The following PALD1 variants were observed in gnomAD, a reference collection of about 807,000 sequenced individuals.
PALD1 encodes the protein phosphatase domain containing paladin 1, also known as paladin.
Under a neutral mutation model 96.0 loss-of-function variants are expected in PALD1, and 57 were observed. That is an observed-to-expected ratio of 0.59 (90% CI 0.48 to 0.74). PALD1 has a LOEUF of 0.74. PALD1 is among the 30% of genes least tolerant of loss of function. The pLI, the probability that PALD1 is intolerant of heterozygous loss-of-function variation, is 0.00. For missense variants in PALD1, 1,063 were observed against 1,143.7 expected, an observed-to-expected ratio of 0.93 and a Z score of 1.02; for synonymous variants, 464 against 473.6, an observed-to-expected ratio of 0.98 and a Z score of 0.26.
At chr10:70,563,488 C>A (rs1398382835) in intron 18 of PALD1, among the ~76,000 whole-genome samples, 1 of 152,222 alleles carries the variant, frequency 6.6e-6, no homozygotes, top group Non-Finnish European at 1.5e-5. Context: ...GATGCTCAGG[C>A]TTGCTTGCTT....
chr10:70,475,710 G>T (rs1845813980), upstream of PALD1, among the ~76,000 whole-genome samples: 1 of 152,162 alleles, frequency 6.6e-6, no homozygotes, highest in East Asian at 1.9e-4. Flanking sequence ...TCCCTGGAGG[G>T]AATCTGGGGT....
At chr10:70,509,029 C>T (rs1330076326) in intron 1 of PALD1, among the ~76,000 whole-genome samples, 1 of 152,176 alleles carries the variant, frequency 6.6e-6, no homozygotes, top group Non-Finnish European at 1.5e-5. Flanking sequence ...ATGTTTCCTC[C>T]AGCTGGCCAC....
intron 17 of PALD1, among the ~76,000 whole-genome samples, chr10:70,545,781 G>A (rs1033985865): frequency 5.9e-5 from 9 of 152,040 alleles, no homozygotes; most frequent in Non-Finnish European, 1.2e-4. Flanking sequence ...AACTCTGAGC[G>A]TCTGCGCAGT....
chr10:70,465,888 T>G, the PALD1 span, among the ~76,000 whole-genome samples: 1 of 152,126 alleles, frequency 6.6e-6, no homozygotes, highest in South Asian at 2.1e-4. Context: ...GAGGCCCCAG[T>G]TTCGTGGTTA....
At chr10:70,527,060 T>C (rs1203705911) in intron 2 of PALD1, among the ~76,000 whole-genome samples, 1 of 152,140 alleles carries the variant, frequency 6.6e-6, no homozygotes, top group East Asian at 1.9e-4. Context: ...AGGGATGTCA[T>C]ATAAAAGAGA....
In PALD1 at chr10:70,538,428, G is replaced by A. The variant is rs953034911; in HGVS notation, c.1452+20G>A. On this transcript the variant is annotated intron_variant, in intron 12 of 19. Coordinates refer to ENST00000263563, the MANE Select transcript of PALD1 (RefSeq NM_014431.3). ...TCCCTAGTGAGTATGACTGGCAGTC[G>A]GAGAAGTGGGCATGGCTGTGTACTG... The A allele has an allele frequency of 4.4e-6, 7 of 1,607,048 alleles. No individual in the cohort carries two copies. The East Asian group carries it at 1.1e-4, about 26-fold the overall frequency.
chr10:70,481,026 A>G (rs1482815555), intron 1 of PALD1, among the ~76,000 whole-genome samples: 1 of 152,232 alleles, frequency 6.6e-6, no homozygotes, highest in Admixed American at 6.5e-5. Flanking sequence ...GTACATAGAA[A>G]TACACCATTG....
In PALD1 at chr10:70,532,900, G is replaced by A. The variant is rs1036306065; in HGVS notation, c.795-95G>A. ...GTCCCCCACACCCATGTCTCCCACAGTGGGGCCCATTTCCAAACAGTGCCC... is the reference window on the plus strand; with the variant it reads ...GTCCCCCACACCCATGTCTCCCACAATGGGGCCCATTTCCAAACAGTGCCC... On this transcript the variant is annotated intron_variant, in intron 6 of 19. Coordinates refer to ENST00000263563, the MANE Select transcript of PALD1 (RefSeq NM_014431.3). 72 of 1,508,124 alleles carry A rather than the reference G, an allele frequency of 4.8e-5. 1 individual carries two copies. The African/African-American group carries it at 8.7e-4, about 18-fold the overall frequency. 93.4% of individuals were successfully genotyped at this position (1,508,124 alleles called of 1,614,324 possible).
intron 1 of PALD1, among the ~76,000 whole-genome samples, chr10:70,514,233 G>A (rs996096271): frequency 1.3e-5 from 2 of 152,178 alleles, no homozygotes; most frequent in Non-Finnish European, 2.9e-5. Context: ...AGGACTTGGC[G>A]CTTGCTTCAA....
intron 17 of PALD1, among the ~76,000 whole-genome samples, chr10:70,546,797 A>G (rs1847373993): frequency 2.0e-5 from 3 of 152,156 alleles, no homozygotes; most frequent in Admixed American, 2.0e-4. Context: ...TAAAAGTACA[A>G]GATATTAGCC....
At chr10:70,499,416 G>A (rs1405331711) in intron 1 of PALD1, among the ~76,000 whole-genome samples, 2 of 152,174 alleles carry the variant, frequency 1.3e-5, no homozygotes, top group African/African-American at 4.8e-5. Context: ...GCAGCCTCTG[G>A]GCCAGGCGGG....
At chr10:70,523,042 C>A (rs1846770201) in intron 1 of PALD1, among the ~76,000 whole-genome samples, 7 of 152,212 alleles carry the variant, frequency 4.6e-5, no homozygotes, top group Admixed American at 4.6e-4. Context: ...GTTGCACCCC[C>A]CTCTAGATAT....
intron 10 of PALD1, 150 bp downstream of exon 10, chr10:70,534,993 TA>T (rs1847079629): frequency 1.6e-6 from 1 of 641,892 alleles, no homozygotes; most frequent in African/African-American, 1.8e-5. Context: ...GAAGGGGAGA[TA>T]GGGGCTCTGG....
rs564061277 is a variant in PALD1 at position 70,537,266 on chromosome 10, C to G, written c.1228-545C>G. On this transcript the variant is annotated intron_variant, in intron 10 of 19. Coordinates refer to ENST00000263563, the MANE Select transcript of PALD1 (RefSeq NM_014431.3). ...GGGACTACAGGCATGTGCCACCATG[C>G]CTAATTTTTGTATTTTTTTATAGAG... Among the ~76,000 whole-genome samples, 13 of 152,208 alleles carry G rather than the reference C, an allele frequency of 8.5e-5. 1 individual carries two copies. The highest frequency in any genetic ancestry group is 7.2e-4 in the Admixed American group (11 of 15,278).
Position 70,534,857 on chromosome 10 carries a change from G to C in PALD1, c.1227+14G>C. The C allele has an allele frequency of 6.6e-7, 1 of 1,525,404 alleles. No individual in the cohort carries two copies. The highest frequency in any genetic ancestry group is 9.1e-7 in the Non-Finnish European group (1 of 1,102,656). The allele number at this position is 1,525,404 out of a possible 1,614,324, so 94.5% of individuals were successfully genotyped here. A position where few individuals can be genotyped will look rare whatever the true frequency, so the allele number is the denominator to read the frequency against. On this transcript the variant is annotated intron_variant, in intron 10 of 19. Coordinates refer to ENST00000263563, the MANE Select transcript of PALD1 (RefSeq NM_014431.3). Reference sequence around the variant, plus strand: ...AGCCCAGCCCAGGTGAGGCATGGAAGGACGTGTGAGCACTCTGCTTCTCTG... The same window carrying C: ...AGCCCAGCCCAGGTGAGGCATGGAACGACGTGTGAGCACTCTGCTTCTCTG...
intron 1 of PALD1, among the ~76,000 whole-genome samples, chr10:70,505,739 G>A (rs1053533472): frequency 5.3e-5 from 8 of 152,090 alleles, no homozygotes; most frequent in Non-Finnish European, 1.2e-4. Context: ...TGTTGTTCCC[G>A]GCCAGGTGCA....
chr10:70,478,693 C>G (rs1341792676), upstream of PALD1: 1 of 152,008 alleles, frequency 6.6e-6, no homozygotes, highest in African/African-American at 2.4e-5. Flanking sequence ...CCCCGCCCCT[C>G]GCGGTGGGGC....
At position 70,566,716 on chromosome 10, in the gene PALD1, C is replaced by T. The variant is rs745680899; in HGVS notation, c.2554C>T (p.Pro852Ser). 2 of 1,599,920 alleles carry T rather than the reference C, an allele frequency of 1.3e-6. No homozygotes were observed. The highest frequency in any genetic ancestry group is 4.5e-5 in the East Asian group (2 of 44,524). The change falls in exon 20 of 20, where the codon CCC becomes TCC. Residue 852 changes from proline (P) to serine (S), a missense_variant. Coordinates refer to ENST00000263563, the MANE Select transcript of PALD1 (RefSeq NM_014431.3). Reference protein sequence around the residue: ...EQSCSLEPSAPEDLL With the variant: ...EQSCSLEPSASEDLL ...GAGCTGCAGCCTCGAGCCCTCTGCC[C>T]CCGAGGACTTGCTGTAGGGGGCCTT...
chr10:70,484,989 C>T (rs1351412845), intron 1 of PALD1, among the ~76,000 whole-genome samples: 2 of 152,154 alleles, frequency 1.3e-5, no homozygotes, highest in African/African-American at 4.8e-5. Flanking sequence ...AGGTGAGCTT[C>T]ATATTTTTAA....
Sources: allele counts gnomAD v4.1 joint callset (sites outside exome capture counted in the v4.1 genomes callset), GRCh38; gene constraint gnomAD v4.1.1; transcripts MANE v1.5; gene names NCBI Gene and HGNC (gene_info 2026-07-23, HGNC 2026-07-21).